TENM1: variants seen among roughly 807,000 people sequenced by gnomAD.
TENM1 encodes the protein teneurin transmembrane protein 1.
A neutral mutation model predicts 174.8 loss-of-function variants in TENM1; 35 were observed. The observed-to-expected ratio is 0.20, with a 90% CI of 0.15 to 0.27. The LOEUF is 0.27. TENM1 is among the 10% of genes least tolerant of loss of function. The probability of loss-of-function intolerance (pLI) is 1.00; values close to 1 mark genes in which losing one functional copy is unlikely to be tolerated. For missense variants in TENM1, 1,633 were observed against 2,130.1 expected, an observed-to-expected ratio of 0.77 and a Z score of 4.59; for synonymous variants, 781 against 798.7, an observed-to-expected ratio of 0.98 and a Z score of 0.37.
chrX:125,072,527 A>T, the TENM1 span, among the ~76,000 whole-genome samples: 2 of 111,406 alleles, frequency 1.8e-5, no homozygotes, highest in African/African-American at 6.5e-5. Flanking sequence ...TTCTTGGTAA[A>T]TGAATTGTCC....
At chrX:124,767,206 C>A (rs1383438057) in intron 3 of TENM1, among the ~76,000 whole-genome samples, 4 of 111,433 alleles carry the variant, frequency 3.6e-5, no homozygotes, top group African/African-American at 1.3e-4. Flanking sequence ...GGTCTTAAGG[C>A]ATGAATGGAA....
At chrX:125,092,419 T>C in the TENM1 span, among the ~76,000 whole-genome samples, 1 of 112,193 alleles carries the variant, frequency 8.9e-6, no homozygotes, top group Non-Finnish European at 1.9e-5. Flanking sequence ...AAAGAAGTTG[T>C]AGAACTAATT....
intron 6 of TENM1, 74 bp from the exon 10 acceptor site, chrX:124,653,857 A>G: frequency 2.3e-5 from 21 of 894,903 alleles, no homozygotes; most frequent in Non-Finnish European, 3.3e-5. Flanking sequence ...TAGCTTTTCA[A>G]GAACAGATAT....
chrX:125,110,456 T>C, the TENM1 span, among the ~76,000 whole-genome samples: 6 of 111,408 alleles, frequency 5.4e-5, no homozygotes, highest in Non-Finnish European at 1.1e-4. Context: ...TCTTCTTGTC[T>C]TTTCATTCAG....
the TENM1 span, among the ~76,000 whole-genome samples, chrX:125,162,234 C>A: frequency 1.8e-5 from 2 of 111,647 alleles, no homozygotes; most frequent in East Asian, 5.6e-4. Flanking sequence ...AATGGGGATG[C>A]CACCTAATGA....
the TENM1 span, among the ~76,000 whole-genome samples, chrX:125,085,842 T>C: frequency 1.8e-5 from 2 of 111,276 alleles, no homozygotes; most frequent in Non-Finnish European, 3.8e-5. Flanking sequence ...GAAAAATTAT[T>C]GGTTGCTGTC....
rs112741960 is a variant in TENM1 at position 124,392,006 on chromosome X, T to C, written c.5688+46A>G. The C allele has an allele frequency of 4.7e-4, 511 of 1,089,729 alleles. 2 individuals are homozygous for C. In the African/African-American group the frequency reaches 8.5e-3, roughly 18 times the overall value. 89.8% of individuals were successfully genotyped at this position (1,089,729 alleles called of 1,213,427 possible). On this transcript the variant is annotated intron_variant, in intron 28 of 31. Coordinates refer to ENST00000422452, the Ensembl canonical transcript of TENM1. ...GGACAATTAGGGCCATTTTCGATAG[T>C]CTCATTCAGAAACTTGAAACTTGTC...
chrX:125,008,889 A>G, the TENM1 span, among the ~76,000 whole-genome samples: 1 of 111,640 alleles, frequency 9.0e-6, no homozygotes, highest in South Asian at 3.8e-4. Flanking sequence ...CGCAGTGTTA[A>G]GAGGGAAAGT....
At chrX:125,127,998 A>G in the TENM1 span, among the ~76,000 whole-genome samples, 1 of 111,219 alleles carries the variant, frequency 9.0e-6, no homozygotes, top group African/African-American at 3.3e-5. Flanking sequence ...CAATAAGGAA[A>G]AAGACCCTAA....
chrX:124,419,450 A>G (rs1187308373), intron 25 of TENM1, among the ~76,000 whole-genome samples: 1 of 111,741 alleles, frequency 8.9e-6, no homozygotes, highest in Non-Finnish European at 1.9e-5. Context: ...AAACTCAGCA[A>G]TTCCTTTTGT....
intron 3 of TENM1, among the ~76,000 whole-genome samples, chrX:124,848,345 A>C (rs142727770): frequency 0.053 from 5,866 of 110,494 alleles, 244 homozygotes; most frequent in African/African-American, 0.13. Context: ...GTTTCCAGGG[A>C]TCTTTCACTC....
At chrX:124,420,661 A>C in exon 25 of TENM1, 2 of 1,211,779 alleles carry the variant, frequency 1.7e-6, no homozygotes, top group Non-Finnish European at 2.2e-6. Flanking sequence ...CAGCGGGTGA[A>C]GCAATCTCAT....
chrX:124,863,224 T>C (rs1389194666), intron 3 of TENM1, among the ~76,000 whole-genome samples: 2 of 109,963 alleles, frequency 1.8e-5, no homozygotes, highest in Non-Finnish European at 3.8e-5. Flanking sequence ...AACTTCTGCT[T>C]GAGAAAAGCA....
At chrX:124,991,669 A>C in the TENM1 span, among the ~76,000 whole-genome samples, 2 of 96,793 alleles carry the variant, frequency 2.1e-5, no homozygotes, top group African/African-American at 7.6e-5. Context: ...TAGGATACTT[A>C]ATTTTTTTAC....
the TENM1 span, among the ~76,000 whole-genome samples, chrX:125,119,924 C>T: frequency 1.8e-5 from 2 of 111,516 alleles, no homozygotes; most frequent in African/African-American, 3.3e-5. Context: ...ACCATAGTAT[C>T]AGCATGTACT....
chrX:124,681,014 A>G (rs2052220847), intron 5 of TENM1, among the ~76,000 whole-genome samples: 1 of 111,729 alleles, frequency 9.0e-6, no homozygotes, highest in African/African-American at 3.2e-5. Context: ...TGACCTGTAT[A>G]TTATTTAAAT....
At chrX:124,407,745 C>T (rs974252598) in intron 25 of TENM1, among the ~76,000 whole-genome samples, 1 of 112,701 alleles carries the variant, frequency 8.9e-6, no homozygotes, top group Admixed American at 9.3e-5. Flanking sequence ...TGCGTGTGTG[C>T]ACACACACAT....
the TENM1 span, among the ~76,000 whole-genome samples, chrX:125,087,986 A>C: frequency 9.0e-6 from 1 of 111,076 alleles, no homozygotes; most frequent in African/African-American, 3.3e-5. Flanking sequence ...CCTTCCAAAG[A>C]CTACAGTATA....
chrX:124,921,171 A>G (rs776345860), intron 1 of TENM1, among the ~76,000 whole-genome samples: 11 of 109,496 alleles, frequency 1.0e-4, no homozygotes, highest in Non-Finnish European at 2.1e-4. Flanking sequence ...TCTTATTTAT[A>G]CTGTATAAGA....
Sources: gnomAD v4.1 joint callset for allele counts (sites outside exome capture counted in the v4.1 genomes callset) on GRCh38, gnomAD v4.1.1 for gene constraint, MANE v1.5 for transcripts, NCBI Gene and HGNC (gene_info 2026-07-23, HGNC 2026-07-21) for gene names.